SYNE1: variants seen among roughly 807,000 people sequenced by gnomAD.
SYNE1 encodes nesprin-1.
Under a neutral mutation model 1,111.0 loss-of-function variants are expected in SYNE1, and 616 were observed. The observed-to-expected ratio is 0.55, with a 90% CI of 0.52 to 0.59. SYNE1 has a LOEUF of 0.59. Among genes scored for constraint, SYNE1 ranks in the 20% least tolerant of loss-of-function variants. The pLI, the probability that SYNE1 is intolerant of heterozygous loss-of-function variation, is 0.00. For missense variants in SYNE1, 10,006 were observed against 10,417.0 expected (o/e 0.96, Z 1.72); for synonymous variants, 3,855 against 3,825.8 (o/e 1.01, Z -0.28).
At chr6:152,421,956 T>C (rs910109598) in intron 39 of SYNE1, among the ~76,000 whole-genome samples, 12 of 152,286 alleles carry the variant, frequency 7.9e-5, no homozygotes, top group Non-Finnish European at 1.2e-4. Flanking sequence ...TCTGCCCACC[T>C]CGGCCTCCCA....
At position 152,316,279 on chromosome 6, in the gene SYNE1, G is replaced by A. The variant is rs547269622; in HGVS notation, c.16710+570C>T. 35 of 160,702 alleles carry A rather than the reference G, an allele frequency of 2.2e-4. 2 individuals carry two copies. The highest frequency in any genetic ancestry group is 1.9e-3 in the Admixed American group (31 of 16,718). The allele number at this position is 160,702 out of a possible 1,614,324, so 10.0% of individuals were successfully genotyped here. A position where few individuals can be genotyped will look rare whatever the true frequency, so the allele number is the denominator to read the frequency against. On this transcript the variant is annotated intron_variant, in intron 87 of 145. Coordinates refer to ENST00000367255, the MANE Select transcript of SYNE1 (RefSeq NM_182961.4). ...GGGTGAGGGCTGAGGGAGGAGGCGG[G>A]AGATCTCCCACTGAGCACCTGCATG...
At chr6:152,278,347 A>G (rs1199506878) in intron 97 of SYNE1, 67 bp from the exon 98 acceptor site, 2 of 1,553,142 alleles carry the variant, frequency 1.3e-6, no homozygotes, top group Non-Finnish European at 1.8e-6. Context: ...TGTTTCCCAC[A>G]GTGAAATACA....
At chr6:152,367,407 G>C (rs374233139) in intron 61 of SYNE1, 25 bp from the exon 62 acceptor site, 6 of 1,612,256 alleles carry the variant, frequency 3.7e-6, no homozygotes, top group Non-Finnish European at 5.1e-6. Context: ...AATGGTTTTC[G>C]AGCTGTCCAT....
chr6:152,213,938 C>T (rs1563564486), intron 122 of SYNE1, among the ~76,000 whole-genome samples, 179 bp from the exon 123 acceptor site: 1 of 152,122 alleles, frequency 6.6e-6, no homozygotes, highest in Non-Finnish European at 1.5e-5. Context: ...CAGTGGCTCA[C>T]GCCTGTAATC....
chr6:152,634,480 T>A (rs2099702973), intron 2 of SYNE1, among the ~76,000 whole-genome samples: 1 of 152,212 alleles, frequency 6.6e-6, no homozygotes, highest in South Asian at 2.1e-4. Flanking sequence ...TTTTCTCTAT[T>A]CACCCATTAA....
At chr6:152,187,917 G>A (rs915590114) in intron 128 of SYNE1, among the ~76,000 whole-genome samples, 2 of 151,958 alleles carry the variant, frequency 1.3e-5, no homozygotes, top group East Asian at 3.9e-4. Flanking sequence ...GTAGAGACAG[G>A]GTTTCACCAT....
At chr6:152,391,234 T>C in intron 52 of SYNE1, 43 bp downstream of exon 52, 1 of 1,612,136 alleles carries the variant, frequency 6.2e-7, no homozygotes, top group African/African-American at 1.3e-5. Flanking sequence ...CTAATCAAAT[T>C]AGCATTCAGC....
chr6:152,279,711 T>G (rs2093907806), intron 97 of SYNE1, among the ~76,000 whole-genome samples: 2 of 136,360 alleles, frequency 1.5e-5, no homozygotes, highest in African/African-American at 5.7e-5. Context: ...AGTGAGACCT[T>G]GTCTCAAAAA....
chr6:152,503,076 T>C (rs1420522831), intron 9 of SYNE1, among the ~76,000 whole-genome samples: 1 of 152,282 alleles, frequency 6.6e-6, no homozygotes, highest in Middle Eastern at 3.4e-3. Flanking sequence ...TATCTCATAC[T>C]AGTTCTATTC....
In SYNE1 at chr6:152,330,545, C is replaced by T. The variant is rs765759628; in HGVS notation, c.14140G>A (p.Asp4714Asn). The change falls in exon 78 of 146, where the codon GAT becomes AAT. Residue 4714 changes from aspartate to asparagine, a missense_variant. By Grantham distance (23) the Asp-to-Asn change is conservative. This residue lies in a region of SYNE1 where 4,955 missense variants were observed against 5,017.2 expected (regional missense o/e 0.99). Coordinates refer to ENST00000367255, the MANE Select transcript of SYNE1 (RefSeq NM_182961.4). ...TCGTCCAGAATGGCTCTGCAACCAT[C>T]TTGCAGAGAAAGAGCCTCCTCAACG... ...LAVEEALSLQ[D>N]GCRAILDEVA... The T allele has an allele frequency of 2.0e-5, 32 of 1,614,122 alleles. No individual in the cohort carries two copies. The highest frequency in any genetic ancestry group is 2.6e-5 in the Non-Finnish European group (31 of 1,180,028).
chr6:152,454,340 T>G (rs1366845323), intron 24 of SYNE1, among the ~76,000 whole-genome samples: 2 of 152,162 alleles, frequency 1.3e-5, no homozygotes, highest in African/African-American at 4.8e-5. Context: ...GATGAGGTCA[T>G]GGGGATGGGG....
Position 152,502,682 on chromosome 6 carries a change from T to C in SYNE1, c.839A>G (p.Lys280Arg), listed in dbSNP as rs2099036190. The C allele has an allele frequency of 1.2e-6, 2 of 1,613,988 alleles. No individual in the cohort carries two copies. Among genetic ancestry groups the C allele is most frequent in the African/African-American group, 2.7e-5 (2 of 75,038 alleles). Reference sequence around the variant, plus strand: ...TGCATTGTGGATGTCAGGATAATGTTTCAGAAACTGGGCTACATAGGTCAT... The same window carrying C: ...TGCATTGTGGATGTCAGGATAATGTCTCAGAAACTGGGCTACATAGGTCAT... Reference protein sequence around the residue: ...SIMTYVAQFLKHYPDIHNAST... With the variant: ...SIMTYVAQFLRHYPDIHNAST... Residue 280 changes from lysine (K) to arginine (R), a missense_variant, in exon 10 of 146, where the codon AAA becomes AGA. Lys to Arg is a conservative substitution (Grantham distance 26). Around this residue, in one of 7 missense-constraint regions of SYNE1, gnomAD observed 1,971 missense variants for 2,084.1 expected, o/e 0.95. Transcript: ENST00000367255.
chr6:152,578,144 CTT>C (rs2128388436), intron 3 of SYNE1, among the ~76,000 whole-genome samples: 1 of 152,094 alleles, frequency 6.6e-6, no homozygotes, highest in African/African-American at 2.4e-5. Context: ...AAATCTGAAA[CTT>C]TATATTTTTT....
intron 84 of SYNE1, 85 bp downstream of exon 84, chr6:152,321,153 T>C: frequency 6.7e-7 from 1 of 1,485,982 alleles, no homozygotes; most frequent in South Asian, 1.2e-5. Flanking sequence ...AAGAAGACAT[T>C]ATTGTGAAAA....
In SYNE1 at chr6:152,502,679, T is replaced by C. The variant is rs769867580; in HGVS notation, c.842A>G (p.His281Arg). 3.1e-6 allele frequency: 5 copies of C among 1,614,030 alleles called. No homozygotes were observed. In the Admixed American group the frequency reaches 6.7e-5, roughly 22 times the overall value. ...IMTYVAQFLK[H>R]YPDIHNASTD... ...GCTTGCATTGTGGATGTCAGGATAA[T>C]GTTTCAGAAACTGGGCTACATAGGT... The change falls in exon 10 of 146, where the codon CAT (histidine) becomes CGT (arginine). Residue 281 changes from histidine (H) to arginine (R), a missense_variant. By Grantham distance (29) the His-to-Arg change is conservative. Transcript: ENST00000367255.
intron 41 of SYNE1, among the ~76,000 whole-genome samples, chr6:152,415,805 AAAAAAAAAAAG>A (rs1197792003): frequency 1.4e-4 from 21 of 149,406 alleles, no homozygotes; most frequent in Admixed American, 4.0e-4. Flanking sequence ...AAAAAAAAAA[AAAAAAAAAAAG>A]AAGAGGAAGA....
chr6:152,359,463 A>G lies in SYNE1; in HGVS notation c.10300-5T>C, dbSNP rs1295479380. The stretch of plus-strand genomic sequence containing the variant: ...CAGCACTTCTTCATTTAATAACTAG[A>G]GAGCATTTAAGAAAAATAAAGTGGC... On this transcript the variant is annotated splice_polypyrimidine_tract_variant and splice_region_variant and intron_variant, in intron 64 of 145. Coordinates refer to ENST00000367255, the MANE Select transcript of SYNE1 (RefSeq NM_182961.4). 6.2e-7 allele frequency: 1 copy of G among 1,614,174 alleles called. No individual in the cohort carries two copies. The highest frequency in any genetic ancestry group is 1.7e-5 in the Admixed American group (1 of 60,024).
chr6:152,587,926 A>T (rs1252244230), intron 3 of SYNE1, among the ~76,000 whole-genome samples: 3 of 152,206 alleles, frequency 2.0e-5, no homozygotes, highest in African/African-American at 7.2e-5. Context: ...TACTACATTG[A>T]TTTAAGTAAG....
At chr6:152,201,030 C>G (rs962794218) in intron 127 of SYNE1, among the ~76,000 whole-genome samples, 3 of 152,240 alleles carry the variant, frequency 2.0e-5, no homozygotes, top group South Asian at 4.1e-4. Flanking sequence ...TAAGTATATG[C>G]GAATTTTTAA....
Sources: allele counts gnomAD v4.1 joint callset (sites outside exome capture counted in the v4.1 genomes callset), GRCh38; gene constraint gnomAD v4.1.1; regional missense constraint gnomAD v4.1.1; transcripts MANE v1.5; gene names NCBI Gene and HGNC (gene_info 2026-07-23, HGNC 2026-07-21).